EDIL3: variants seen among roughly 807,000 people sequenced by gnomAD.
The protein encoded by EDIL3 is EGF like and discoidin domains 3.
EDIL3 carries 37 observed loss-of-function variants against 67.4 expected under a neutral mutation model. That is an observed-to-expected ratio of 0.55 (90% CI 0.42 to 0.72). The LOEUF is 0.72. Among genes scored for constraint, EDIL3 ranks in the 30% least tolerant of loss-of-function variants. The probability of loss-of-function intolerance (pLI) is 0.00; values close to 1 mark genes in which losing one functional copy is unlikely to be tolerated. For missense variants in EDIL3, 527 were observed against 586.3 expected, an observed-to-expected ratio of 0.90 and a Z score of 1.04; for synonymous variants, 195 against 196.3, an observed-to-expected ratio of 0.99 and a Z score of 0.05.
At chr5:83,975,188 T>C (rs935448678) in intron 9 of EDIL3, among the ~76,000 whole-genome samples, 1 of 151,996 alleles carries the variant, frequency 6.6e-6, no homozygotes, top group African/African-American at 2.4e-5. Flanking sequence ...TGCTTAGACT[T>C]TACTTCTTTT....
At chr5:84,093,658 C>CTT (rs374214744) in intron 6 of EDIL3, among the ~76,000 whole-genome samples, 8,009 of 117,746 alleles carry the variant, frequency 0.068, 484 homozygotes, top group Non-Finnish European at 0.096. Context: ...CAGATGCAGC[C>CTT]TTTTTTTTTT....
At chr5:83,962,580 T>C (rs1744623056) in intron 10 of EDIL3, among the ~76,000 whole-genome samples, 1 of 151,496 alleles carries the variant, frequency 6.6e-6, no homozygotes, top group African/African-American at 2.4e-5. Flanking sequence ...TGTATAGAGG[T>C]ATGTATATAT....
intron 4 of EDIL3, among the ~76,000 whole-genome samples, chr5:84,154,381 C>T (rs868144156): frequency 1.2e-4 from 18 of 151,864 alleles, no homozygotes; most frequent in African/African-American, 4.4e-4. Flanking sequence ...GAATACTTAC[C>T]ATACAATAAT....
At chr5:84,048,472 G>A (rs141782347) in intron 9 of EDIL3, among the ~76,000 whole-genome samples, 4 of 152,002 alleles carry the variant, frequency 2.6e-5, no homozygotes, top group Admixed American at 6.5e-5. Flanking sequence ...AGGGTCAGAC[G>A]CAATTTTGAT....
chr5:84,113,169 A>G (rs1199899096), intron 5 of EDIL3, among the ~76,000 whole-genome samples: 2 of 152,202 alleles, frequency 1.3e-5, no homozygotes, highest in African/African-American at 4.8e-5. Context: ...AATTCGATCA[A>G]TGCTGAATAC....
intron 6 of EDIL3, among the ~76,000 whole-genome samples, chr5:84,093,102 A>G (rs1272527996): frequency 6.6e-6 from 1 of 152,218 alleles, no homozygotes; most frequent in African/African-American, 2.4e-5. Flanking sequence ...TAACAGCCGA[A>G]CATAGTAAAC....
At chr5:84,076,898 C>T (rs1351347966) in intron 6 of EDIL3, among the ~76,000 whole-genome samples, 1 of 152,188 alleles carries the variant, frequency 6.6e-6, no homozygotes, top group Non-Finnish European at 1.5e-5. Context: ...TTGAAACTCA[C>T]ACAATCTTGC....
intron 3 of EDIL3, among the ~76,000 whole-genome samples, chr5:84,224,086 T>C (rs1042863020): frequency 1.3e-5 from 2 of 151,058 alleles, no homozygotes; most frequent in Non-Finnish European, 3.0e-5. Context: ...AAAAATAAAA[T>C]GAAAGCTTTA....
chr5:84,309,313 G>GTTTTTTTTTTTTTTTTGCGTTTTCTTTTT, intron 1 of EDIL3, among the ~76,000 whole-genome samples: 1 of 89,306 alleles, frequency 1.1e-5, no homozygotes, highest in Non-Finnish European at 2.5e-5. Context: ...TTTTTTCTTT[G>GTTTTTTTTTTTTTTTTGCGTTTTCTTTTT]TTTTTTTTTT....
chr5:84,001,853 A>C (rs73145903), intron 9 of EDIL3, among the ~76,000 whole-genome samples: 8,284 of 152,188 alleles, frequency 0.054, 468 homozygotes, highest in South Asian at 0.14. Context: ...TACTAATCCT[A>C]CTCAAATCAT....
At chr5:84,040,762 CT>C (rs1746105798) in intron 9 of EDIL3, among the ~76,000 whole-genome samples, 2 of 152,210 alleles carry the variant, frequency 1.3e-5, no homozygotes, top group South Asian at 4.1e-4. Context: ...TGTCCTGATA[CT>C]TTAATCTTAA....
chr5:84,234,519 C>T (rs1744642627), intron 2 of EDIL3, among the ~76,000 whole-genome samples: 1 of 152,164 alleles, frequency 6.6e-6, no homozygotes, highest in Admixed American at 6.6e-5. Flanking sequence ...AGATTCCAGT[C>T]TCTTTGTGTG....
intron 2 of EDIL3, among the ~76,000 whole-genome samples, chr5:84,241,228 A>AT: frequency 6.6e-6 from 1 of 152,356 alleles, no homozygotes; most frequent in East Asian, 1.9e-4. Context: ...GAAAGGGTAG[A>AT]TCACAGGCTC....
chr5:84,304,026 C>T (rs1746217270), intron 1 of EDIL3, among the ~76,000 whole-genome samples: 1 of 151,952 alleles, frequency 6.6e-6, no homozygotes, highest in Non-Finnish European at 1.5e-5. Context: ...TTAATGATTA[C>T]AGAGTAATAT....
At chr5:84,299,263 G>A (rs774870826) in intron 1 of EDIL3, among the ~76,000 whole-genome samples, 91 of 152,110 alleles carry the variant, frequency 6.0e-4, no homozygotes, top group Non-Finnish European at 1.1e-3. Flanking sequence ...GGCTAATATC[G>A]AAAGAAGGAG....
chr5:84,208,417 C>T (rs1161558896), intron 3 of EDIL3, among the ~76,000 whole-genome samples: 6 of 151,916 alleles, frequency 3.9e-5, no homozygotes, highest in South Asian at 4.1e-4. Flanking sequence ...CGGTGGCTCA[C>T]GCCTGTAATC....
At chr5:84,013,058 T>G (rs1201703603) in intron 9 of EDIL3, among the ~76,000 whole-genome samples, 1 of 151,994 alleles carries the variant, frequency 6.6e-6, no homozygotes, top group Non-Finnish European at 1.5e-5. Flanking sequence ...TTCAGACATA[T>G]AATTTTTAAA....
intron 1 of EDIL3, among the ~76,000 whole-genome samples, chr5:84,351,925 T>C (rs1431375627): frequency 6.6e-6 from 1 of 151,668 alleles, no homozygotes; most frequent in Admixed American, 6.6e-5. Context: ...ATATAAAGAA[T>C]GCAAACAGAG....
At chr5:84,123,006 C>A (rs1747805511) in intron 5 of EDIL3, among the ~76,000 whole-genome samples, 4 of 151,924 alleles carry the variant, frequency 2.6e-5, no homozygotes, top group Admixed American at 1.3e-4. Context: ...ACATGGTGAA[C>A]TGCCTACCTC....
Sources: allele counts gnomAD v4.1 joint callset (sites outside exome capture counted in the v4.1 genomes callset), GRCh38; gene constraint gnomAD v4.1.1; transcripts MANE v1.5; gene names NCBI Gene and HGNC (gene_info 2026-07-23, HGNC 2026-07-21).